The following TEAD4 variants were observed in gnomAD, a reference collection of about 807,000 sequenced individuals.
TEAD4 encodes TEA domain transcription factor 4.
Under a neutral mutation model 52.4 loss-of-function variants are expected in TEAD4, and 36 were observed. The ratio of observed to expected loss-of-function variants is 0.69; its 90% CI spans 0.53 to 0.91. The LOEUF (loss-of-function observed/expected upper bound fraction) is 0.91. TEAD4 is among the 40% of genes least tolerant of loss of function. TEAD4 has a pLI of 0.00. For synonymous variants in TEAD4, 220 were observed against 231.0 expected (o/e 0.95, Z 0.43); for missense variants, 508 against 583.9 (o/e 0.87, Z 1.34).
chr12:2,995,756 C>T (rs2098246618), intron 3 of TEAD4, among the ~76,000 whole-genome samples: 1 of 152,086 alleles, frequency 6.6e-6, no homozygotes, highest in Non-Finnish European at 1.5e-5. Flanking sequence ...CCTGTGATTC[C>T]AGCACTTTGG....
At chr12:3,015,180 C>T (rs1487464853) in intron 5 of TEAD4, among the ~76,000 whole-genome samples, 1 of 152,154 alleles carries the variant, frequency 6.6e-6, no homozygotes, top group Non-Finnish European at 1.5e-5. Context: ...CGACAATGAC[C>T]CACTACTCGG....
At chr12:2,982,073 G>A (rs547817347) in intron 2 of TEAD4, among the ~76,000 whole-genome samples, 4 of 152,228 alleles carry the variant, frequency 2.6e-5, no homozygotes, top group African/African-American at 7.2e-5. Context: ...AGGACGTCAG[G>A]TTGGCCTGGG....
intron 2 of TEAD4, among the ~76,000 whole-genome samples, chr12:2,962,339 TA>T (rs1211364689): frequency 0.019 from 2,158 of 112,698 alleles, 68 homozygotes; most frequent in African/African-American, 0.07. Flanking sequence ...TATAAATATA[TA>T]TATATATTTT....
intron 2 of TEAD4, among the ~76,000 whole-genome samples, chr12:2,992,135 C>T (rs2098243638): frequency 6.6e-6 from 1 of 151,732 alleles, no homozygotes; most frequent in African/African-American, 2.4e-5. Context: ...TCTCTGGCCT[C>T]AGCCTCCTGA....
At chr12:3,029,634 G>A (rs1482988844) in intron 10 of TEAD4, among the ~76,000 whole-genome samples, 7 of 152,146 alleles carry the variant, frequency 4.6e-5, no homozygotes, top group African/African-American at 1.7e-4. Context: ...TCCTGCCTCA[G>A]CCTTCCAAAG....
intron 10 of TEAD4, among the ~76,000 whole-genome samples, chr12:3,037,043 C>G (rs991482287): frequency 1.3e-5 from 2 of 152,158 alleles, no homozygotes; most frequent in African/African-American, 4.8e-5. Flanking sequence ...TCCGCCTTTT[C>G]TAGAAGGGAA....
At chr12:3,020,991 G>A (rs1025276581) in intron 9 of TEAD4, among the ~76,000 whole-genome samples, 24 of 150,912 alleles carry the variant, frequency 1.6e-4, no homozygotes, top group African/African-American at 5.4e-4. Flanking sequence ...GTGTCCCAGC[G>A]CCCAGTCAGC....
At position 2,959,409 on chromosome 12, in the gene TEAD4, C is replaced by T. The variant is rs1591546480; in HGVS notation, c.-195C>T. 1 of 146,672 alleles carries T rather than the reference C, an allele frequency of 6.8e-6. No individual in the cohort carries two copies. Among genetic ancestry groups the T allele is most frequent in the East Asian group, 2.0e-4 (1 of 5,052 alleles). 9.1% of individuals were successfully genotyped at this position (146,672 alleles called of 1,614,324 possible). ...CATTCCAGCCCTCATTCCGCGCATT[C>T]CAGCGTCCTCCTCGCACACTCGAGG... is the stretch of plus-strand genomic sequence containing the variant. On this transcript the variant is annotated 5_prime_UTR_variant, in exon 1 of 13. Transcript: ENST00000359864. This position sits in a 1 kb window ranked among gnomAD's most constrained non-coding sequence, Gnocchi z 5.1.
At chr12:3,015,213 C>T (rs1462919836) in intron 5 of TEAD4, among the ~76,000 whole-genome samples, 3 of 152,184 alleles carry the variant, frequency 2.0e-5, no homozygotes, top group Non-Finnish European at 4.4e-5. Context: ...CTCCCCACCG[C>T]CCTCTATGGT....
intron 2 of TEAD4, among the ~76,000 whole-genome samples, chr12:2,966,853 C>G (rs887470926): frequency 6.6e-6 from 1 of 152,060 alleles, no homozygotes; most frequent in Admixed American, 6.6e-5. Context: ...ATTACAGGCA[C>G]CTGCCACCAC....
intron 10 of TEAD4, among the ~76,000 whole-genome samples, chr12:3,022,598 C>T (rs1194188902): frequency 1.3e-5 from 2 of 152,216 alleles, no homozygotes; most frequent in African/African-American, 4.8e-5. Context: ...TGCCCTCCCA[C>T]CTCACCCCGG....
intron 2 of TEAD4, among the ~76,000 whole-genome samples, chr12:2,984,644 C>CTGTG (rs1377806473): frequency 1.3e-5 from 2 of 152,194 alleles, no homozygotes; most frequent in African/African-American, 2.4e-5. Flanking sequence ...CACACCCAGG[C>CTGTG]TGTGTGGTAC....
chr12:3,039,923 G>A (rs532700597), intron 11 of TEAD4, among the ~76,000 whole-genome samples, 184 bp from the exon 12 acceptor site: 2 of 152,350 alleles, frequency 1.3e-5, no homozygotes, highest in African/African-American at 4.8e-5. Flanking sequence ...CTGACCTCAG[G>A]TGATCCGCCT....
At chr12:3,024,751 A>C (rs2098270998) in intron 10 of TEAD4, among the ~76,000 whole-genome samples, 1 of 152,196 alleles carries the variant, frequency 6.6e-6, no homozygotes, top group Admixed American at 6.5e-5. Flanking sequence ...TTTTCCTGCA[A>C]ATAAATGGCT....
intron 2 of TEAD4, among the ~76,000 whole-genome samples, chr12:2,973,229 G>A (rs771133755): frequency 6.6e-6 from 1 of 152,060 alleles, no homozygotes; most frequent in Admixed American, 6.5e-5. Context: ...ACGCCACCAC[G>A]CCCGGCTCAT....
Position 3,040,513 on chromosome 12 carries a change from G to T in TEAD4, c.*35G>T. On this transcript the variant is annotated 3_prime_UTR_variant, in exon 13 of 13. Coordinates refer to ENST00000359864, the MANE Select transcript of TEAD4 (RefSeq NM_003213.4). ...GGAGCAGGGAGGGGGGAAGAGACGTGTGTGCAGGAAACGGGGACGTGGGGA... is the reference window on the plus strand; with the variant it reads ...GGAGCAGGGAGGGGGGAAGAGACGTTTGTGCAGGAAACGGGGACGTGGGGA... 1 of 1,598,148 alleles carries T rather than the reference G, an allele frequency of 6.3e-7. No homozygotes were observed.
chr12:2,966,004 G>A (rs1397167248), intron 2 of TEAD4, among the ~76,000 whole-genome samples: 1 of 152,060 alleles, frequency 6.6e-6, no homozygotes, highest in Non-Finnish European at 1.5e-5. Flanking sequence ...GGGACTGCAG[G>A]TGTACACGGT....
At chr12:2,974,707 C>G (rs2098228050) in intron 2 of TEAD4, among the ~76,000 whole-genome samples, 1 of 152,160 alleles carries the variant, frequency 6.6e-6, no homozygotes, top group African/African-American at 2.4e-5. Flanking sequence ...CCTGGCTCCT[C>G]CTTCTCCCAG....
intron 12 of TEAD4, 33 bp from the exon 13 acceptor site, chr12:3,040,332 C>T (rs367719077): frequency 1.9e-6 from 3 of 1,613,914 alleles, no homozygotes; most frequent in African/African-American, 1.3e-5. Flanking sequence ...CCTTCTGGGG[C>T]CTTATTAACC....
Sources: gnomAD v4.1 joint callset for allele counts (sites outside exome capture counted in the v4.1 genomes callset) on GRCh38, gnomAD v4.1.1 for gene constraint, Gnocchi (gnomAD v3.1) non-coding constraint, MANE v1.5 for transcripts, NCBI Gene and HGNC (gene_info 2026-07-23, HGNC 2026-07-21) for gene names.